The following KCNIP4 variants were observed in gnomAD, a reference collection of about 807,000 sequenced individuals.
KCNIP4 encodes the protein Kv channel-interacting protein 4.
A neutral mutation model predicts 34.0 loss-of-function variants in KCNIP4; 12 were observed. The ratio of observed to expected loss-of-function variants is 0.35; its 90% CI spans 0.23 to 0.57. KCNIP4 has a LOEUF of 0.57. Ranked by LOEUF, KCNIP4 falls within the 20% of genes least tolerant of loss-of-function variation. The pLI is 0.83. For synonymous variants in KCNIP4, 124 were observed against 102.2 expected (o/e 1.21, Z -1.29); for missense variants, 238 against 311.7 (o/e 0.76, Z 1.78).
chr4:21,085,580 G>T (rs553528778), intron 1 of KCNIP4, among the ~76,000 whole-genome samples: 19 of 152,236 alleles, frequency 1.2e-4, no homozygotes, highest in Non-Finnish European at 2.4e-4. Flanking sequence ...GTGACACCAA[G>T]CCAACAGATG....
At chr4:21,799,834 GC>G (rs2109250624) in intron 1 of KCNIP4, among the ~76,000 whole-genome samples, 1 of 152,240 alleles carries the variant, frequency 6.6e-6, no homozygotes, top group African/African-American at 2.4e-5. Context: ...TTGACACACT[GC>G]TTATATTTGT....
chr4:21,011,505 T>C (rs1275926993), intron 1 of KCNIP4, among the ~76,000 whole-genome samples: 1 of 152,202 alleles, frequency 6.6e-6, no homozygotes, highest in Admixed American at 6.5e-5. Context: ...GCTTTGCATA[T>C]CCACATTGCA....
intron 1 of KCNIP4, among the ~76,000 whole-genome samples, chr4:21,893,366 G>A (rs576405024): frequency 1.1e-4 from 16 of 152,186 alleles, no homozygotes; most frequent in African/African-American, 3.1e-4. Context: ...TTTTTATAAC[G>A]TTTCTTCTGA....
At chr4:21,303,816 C>T (rs374693389) in intron 1 of KCNIP4, 2 of 1,613,520 alleles carry the variant, frequency 1.2e-6, no homozygotes, top group Admixed American at 1.7e-5. Context: ...CCTTCTAAAC[C>T]TGCTTCAATC....
intron 1 of KCNIP4, among the ~76,000 whole-genome samples, chr4:21,138,781 C>T (rs1208001576): frequency 6.6e-6 from 1 of 151,882 alleles, no homozygotes; most frequent in Non-Finnish European, 1.5e-5. Context: ...AGTGTCAGGG[C>T]AATGCAGTAT....
intron 1 of KCNIP4, among the ~76,000 whole-genome samples, chr4:21,235,764 T>C (rs1180302555): frequency 6.6e-6 from 1 of 152,178 alleles, no homozygotes; most frequent in Non-Finnish European, 1.5e-5. Context: ...TAGCAAGGGC[T>C]CAGTTATTAT....
intron 1 of KCNIP4, among the ~76,000 whole-genome samples, chr4:20,883,018 T>C (rs1344874604): frequency 6.6e-6 from 1 of 151,172 alleles, no homozygotes; most frequent in East Asian, 1.9e-4. Flanking sequence ...GTTTTTTTTT[T>C]TTTTTTTTTG....
intron 1 of KCNIP4, among the ~76,000 whole-genome samples, chr4:21,132,753 A>G (rs1195759715): frequency 6.6e-6 from 1 of 151,846 alleles, no homozygotes; most frequent in Non-Finnish European, 1.5e-5. Flanking sequence ...TCACGCCTGT[A>G]ATCCTAGCAC....
chr4:20,830,584 G>A (rs530444594), intron 3 of KCNIP4, among the ~76,000 whole-genome samples: 58 of 152,040 alleles, frequency 3.8e-4, no homozygotes, highest in Non-Finnish European at 6.9e-4. Context: ...ATATGGCCTT[G>A]GGAAGTTTCT....
chr4:21,447,201 A>G (rs1728103389), intron 1 of KCNIP4, among the ~76,000 whole-genome samples: 1 of 152,134 alleles, frequency 6.6e-6, no homozygotes, highest in South Asian at 2.1e-4. Context: ...AGATTTGATA[A>G]TTGAAAAAGT....
Position 20,887,918 on chromosome 4 carries a change from T to C in KCNIP4, c.62-5209A>G, listed in dbSNP as rs115169097. On this transcript the variant is annotated intron_variant, in intron 1 of 8. Coordinates refer to ENST00000382152, the MANE Select transcript of KCNIP4 (RefSeq NM_025221.6). ...GTAGAGTTTATTACATTTGTAGATGTAAAATTTCTGACAATAATAACATGA... is the reference window on the plus strand; with the variant it reads ...GTAGAGTTTATTACATTTGTAGATGCAAAATTTCTGACAATAATAACATGA... Among the ~76,000 whole-genome samples the C allele has an allele frequency of 8.5e-3, 1,301 of 152,220 alleles. 23 individuals carry two copies. The highest frequency in any genetic ancestry group is 0.028 in the African/African-American group (1,175 of 41,558).
rs940645120 is a variant in KCNIP4 at position 21,801,891 on chromosome 4, G to C, written c.61+146680C>G. ...AAACACCCTTCTTAAGAGCTATACA[G>C]AGAGAAGTCATCAAGAAAAAAAAAT... On this transcript the variant is annotated intron_variant, in intron 1 of 8. Coordinates refer to ENST00000382152, the MANE Select transcript of KCNIP4 (RefSeq NM_025221.6). Among the ~76,000 whole-genome samples the C allele has an allele frequency of 2.6e-5, 4 of 151,534 alleles. No individual in the cohort carries two copies. The East Asian group carries it at 7.8e-4, about 30-fold the overall frequency.
At chr4:21,749,473 C>T (rs1215230889) in intron 1 of KCNIP4, among the ~76,000 whole-genome samples, 1 of 152,178 alleles carries the variant, frequency 6.6e-6, no homozygotes, top group Non-Finnish European at 1.5e-5. Flanking sequence ...CAATTCCTCA[C>T]TGCTTTGCCC....
chr4:21,226,868 A>AT (rs113191858), intron 1 of KCNIP4, among the ~76,000 whole-genome samples: 21,290 of 150,676 alleles, frequency 0.14, 3,965 homozygotes, highest in African/African-American at 0.43. Flanking sequence ...TGAACCAGTA[A>AT]TTTTTTTTTT....
rs200624984 is a variant in KCNIP4 at position 21,797,525 on chromosome 4, CT to C, written c.61+151045del. ...TATGTTTCTTACACAGTATTTATGT[CT>C]TATGCTTTTGTATGTCTTATAAAAA... On this transcript the variant is annotated intron_variant, in intron 1 of 8. Coordinates refer to ENST00000382152, the MANE Select transcript of KCNIP4 (RefSeq NM_025221.6). Among the ~76,000 whole-genome samples the C allele has an allele frequency of 8.5e-3, 1,286 of 151,974 alleles. 14 individuals carry two copies. Among genetic ancestry groups the C allele is most frequent in the South Asian group, 0.028 (136 of 4,808 alleles).
chr4:21,079,797 C>T (rs1391565088), intron 1 of KCNIP4, among the ~76,000 whole-genome samples: 1 of 151,620 alleles, frequency 6.6e-6, no homozygotes, highest in Non-Finnish European at 1.5e-5. Flanking sequence ...GAGTCAGAGT[C>T]CCAGAAGGAT....
intron 1 of KCNIP4, among the ~76,000 whole-genome samples, chr4:21,529,193 T>A (rs1736447365): frequency 6.6e-6 from 1 of 152,124 alleles, no homozygotes; most frequent in East Asian, 1.9e-4. Context: ...CCCATAGACA[T>A]TATTTGCTGA....
At chr4:20,980,439 A>T (rs1364493302) in intron 1 of KCNIP4, among the ~76,000 whole-genome samples, 1 of 152,216 alleles carries the variant, frequency 6.6e-6, no homozygotes, top group Non-Finnish European at 1.5e-5. Context: ...TCTTCTTTAC[A>T]AATTGCTTTT....
chr4:21,418,366 A>G (rs1725154993), intron 1 of KCNIP4, among the ~76,000 whole-genome samples: 1 of 152,174 alleles, frequency 6.6e-6, no homozygotes, highest in South Asian at 2.1e-4. Context: ...GCATGATGGC[A>G]AAAGCCTATA....
Sources: gnomAD v4.1 joint callset for allele counts (sites outside exome capture counted in the v4.1 genomes callset) on GRCh38, gnomAD v4.1.1 for gene constraint, MANE v1.5 for transcripts, NCBI Gene and HGNC (gene_info 2026-07-23, HGNC 2026-07-21) for gene names.